Variants in LRRC49 observed in about 807,000 individuals in gnomAD.
LRRC49 encodes the protein leucine-rich repeat-containing protein 49.
LRRC49 carries 50 observed loss-of-function variants against 83.3 expected under a neutral mutation model. The ratio of observed to expected loss-of-function variants is 0.60; its 90% CI spans 0.48 to 0.76. The LOEUF (loss-of-function observed/expected upper bound fraction) is 0.76. Among genes scored for constraint, LRRC49 ranks in the 30% least tolerant of loss-of-function variants. The pLI is 0.00. For missense variants in LRRC49, 704 were observed against 809.1 expected, an observed-to-expected ratio of 0.87 and a Z score of 1.58; for synonymous variants, 286 against 283.3, an observed-to-expected ratio of 1.01 and a Z score of -0.10.
chr15:70,919,167 T>A lies in LRRC49; in HGVS notation c.685T>A (p.Leu229Met), dbSNP rs774182786. ...GCTGGATTCACTAACTGAACTTAAC[T>A]TGCGACACAATCAAATCACTTTCGT... ...NGLDSLTELN[L>M]RHNQITFVRD... The change falls in exon 7 of 16, where the codon TTG (leucine) becomes ATG (methionine). Residue 229 changes from leucine to methionine, a missense_variant. This residue lies in a region of LRRC49 where 261 missense variants were observed against 330.5 expected (regional missense o/e 0.79). Coordinates refer to ENST00000260382, the MANE Select transcript of LRRC49 (RefSeq NM_017691.5). The A allele has an allele frequency of 2.5e-6, 4 of 1,612,410 alleles. No homozygotes were observed. The highest frequency in any genetic ancestry group is 3.4e-6 in the Non-Finnish European group (4 of 1,179,440).
At chr15:70,892,527 A>G, upstream of LRRC49, 1 of 1,517,656 alleles carries the variant, frequency 6.6e-7, no homozygotes, top group Non-Finnish European at 8.8e-7. Context: ...AGGGATACAA[A>G]TTTCGCGCGG....
rs578097192 is a variant in LRRC49, at chr15:70,872,239, A to G, written c.-298-669A>G. On this transcript the variant is annotated intron_variant, in intron 1 of 16. Coordinates refer to the LRRC49 transcript ENST00000544974. ...CGAAACCCCGTCTCCACCAAAAAAT[A>G]CAAAAACCAATCAGGCGTGGCAGCA... Among the ~76,000 whole-genome samples the G allele has an allele frequency of 2.0e-5, 3 of 152,356 alleles. No individual in the cohort carries two copies. The South Asian group carries it at 6.2e-4, about 32-fold the overall frequency.
Position 70,936,839 on chromosome 15 carries a change from A to C in LRRC49, c.773+17A>C, listed in dbSNP as rs557708558. ...TATATCTAGGTAAGTGGAAACTCCC[A>C]AGTTGTCATTCATTATAACTTGATT... On this transcript the variant is annotated intron_variant, in intron 8 of 15. Coordinates refer to ENST00000260382, the MANE Select transcript of LRRC49 (RefSeq NM_017691.5). 9 of 1,555,174 alleles carry C rather than the reference A, an allele frequency of 5.8e-6. No individual in the cohort carries two copies. In the South Asian group the frequency reaches 1.0e-4, roughly 17 times the overall value.
chr15:71,042,682 A>T (rs965077600), intron 15 of LRRC49, among the ~76,000 whole-genome samples: 10 of 152,162 alleles, frequency 6.6e-5, no homozygotes, highest in African/African-American at 2.4e-4. Flanking sequence ...GTTCTTCACA[A>T]ATCAGGTTAA....
At chr15:70,964,058 C>T (rs2036706762) in intron 9 of LRRC49, 126 bp downstream of exon 9, 1 of 822,848 alleles carries the variant, frequency 1.2e-6, no homozygotes, top group South Asian at 3.6e-5. Flanking sequence ...TGATTGTATA[C>T]TTCATAATTG....
intron 1 of LRRC49, among the ~76,000 whole-genome samples, chr15:70,869,216 ACTT>A (rs1232791536): frequency 2.0e-5 from 3 of 152,240 alleles, no homozygotes; most frequent in African/African-American, 7.2e-5. Context: ...ATACATATAT[ACTT>A]CTACAAACAG....
chr15:70,863,640 C>T (rs2032844835), intron 1 of LRRC49, among the ~76,000 whole-genome samples: 1 of 152,318 alleles, frequency 6.6e-6, no homozygotes, highest in African/African-American at 2.4e-5. Context: ...ACAAGCCTGA[C>T]TCACTAACAA....
chr15:70,993,473 C>T (rs1043933389), intron 11 of LRRC49, among the ~76,000 whole-genome samples: 5 of 152,208 alleles, frequency 3.3e-5, no homozygotes, highest in Non-Finnish European at 7.3e-5. Context: ...TCTGCACTCA[C>T]GCTGGGAGCT....
intron 9 of LRRC49, among the ~76,000 whole-genome samples, chr15:70,977,740 A>T (rs1286308466): frequency 1.3e-5 from 2 of 152,274 alleles, no homozygotes; most frequent in Admixed American, 1.3e-4. Flanking sequence ...CATTTCCTTT[A>T]AAACAACTAA....
At chr15:70,913,430 G>T (rs1043762607) in intron 6 of LRRC49, among the ~76,000 whole-genome samples, 2 of 152,176 alleles carry the variant, frequency 1.3e-5, no homozygotes, top group African/African-American at 4.8e-5. Flanking sequence ...GAATTGTCTG[G>T]CTCTGCAGGT....
chr15:70,977,604 C>T (rs2037251843), intron 9 of LRRC49, among the ~76,000 whole-genome samples: 1 of 152,106 alleles, frequency 6.6e-6, no homozygotes, highest in Admixed American at 6.5e-5. Flanking sequence ...GACATTGCAC[C>T]ATGGCACTCC....
chr15:70,962,011 T>G (rs1287645407), intron 8 of LRRC49, among the ~76,000 whole-genome samples: 1 of 152,204 alleles, frequency 6.6e-6, no homozygotes, highest in Non-Finnish European at 1.5e-5. Context: ...AAGGCACTGA[T>G]CTAAGAAACT....
At chr15:70,892,571 C>A, upstream of LRRC49, 1 of 1,486,778 alleles carries the variant, frequency 6.7e-7, no homozygotes, top group Non-Finnish European at 8.9e-7. Context: ...GAGGAACGGA[C>A]CGGAAGTGGT....
chr15:71,034,575 A>T (rs2039460867), intron 14 of LRRC49, among the ~76,000 whole-genome samples: 1 of 152,212 alleles, frequency 6.6e-6, no homozygotes, highest in Admixed American at 6.5e-5. Flanking sequence ...TATAACATGT[A>T]CATGTATGTT....
At chr15:71,031,950 T>C (rs2039367901) in intron 14 of LRRC49, among the ~76,000 whole-genome samples, 1 of 152,170 alleles carries the variant, frequency 6.6e-6, no homozygotes, top group Non-Finnish European at 1.5e-5. Flanking sequence ...TGGGACCCAC[T>C]GAGTGAGACC....
At chr15:70,900,312 T>C (rs2141106462) in intron 3 of LRRC49, 1 of 375,728 alleles carries the variant, frequency 2.7e-6, no homozygotes, top group East Asian at 7.2e-5. Context: ...CTAGATTTAC[T>C]GACATCCACT....
intron 1 of LRRC49, chr15:70,859,930 G>A (rs575780405): frequency 2.6e-4 from 198 of 767,284 alleles, no homozygotes; most frequent in Non-Finnish European, 4.0e-4. Flanking sequence ...AGTCTGGGAT[G>A]CAGAACATGA....
chr15:70,854,543 A>AG, intron 1 of LRRC49, among the ~76,000 whole-genome samples: 1 of 152,332 alleles, frequency 6.6e-6, no homozygotes, highest in South Asian at 2.1e-4. Context: ...CCACAGCTCC[A>AG]GGGGCTTCCA....
chr15:70,928,850 C>T (rs985029352), intron 7 of LRRC49, among the ~76,000 whole-genome samples: 11 of 152,190 alleles, frequency 7.2e-5, no homozygotes, highest in African/African-American at 2.7e-4. Context: ...CAGGCATGAG[C>T]CCCCGTGCCT....
Sources: allele counts gnomAD v4.1 joint callset (sites outside exome capture counted in the v4.1 genomes callset), GRCh38; gene constraint gnomAD v4.1.1; regional missense constraint gnomAD v4.1.1; transcripts MANE v1.5; gene names NCBI Gene and HGNC (gene_info 2026-07-23, HGNC 2026-07-21).